ASAP1: variants seen among roughly 807,000 people sequenced by gnomAD.
The protein encoded by ASAP1 is ArfGAP with SH3 domain, ankyrin repeat and PH domain 1.
ASAP1 carries 43 observed loss-of-function variants against 145.2 expected under a neutral mutation model. The ratio of observed to expected loss-of-function variants is 0.30; its 90% CI spans 0.23 to 0.38. ASAP1 has a LOEUF of 0.38. Ranked by LOEUF, ASAP1 falls within the 10% of genes least tolerant of loss-of-function variation. The probability of loss-of-function intolerance (pLI) is 1.00; values close to 1 mark genes in which losing one functional copy is unlikely to be tolerated. For missense variants in ASAP1, 1,018 were observed against 1,355.3 expected (o/e 0.75, Z 3.91); for synonymous variants, 546 against 515.5 (o/e 1.06, Z -0.80).
intron 23 of ASAP1, 148 bp downstream of exon 23, chr8:130,115,480 C>T (rs1248559414): frequency 1.5e-5 from 10 of 658,146 alleles, no homozygotes; most frequent in Non-Finnish European, 2.4e-5. Context: ...TTAAATGGTG[C>T]CCAATAAGGA....
intron 3 of ASAP1, among the ~76,000 whole-genome samples, chr8:130,304,863 T>C (rs1034005857): frequency 2.0e-5 from 3 of 152,112 alleles, no homozygotes; most frequent in African/African-American, 7.2e-5. Context: ...AACAAACAAA[T>C]GGAAAACCCA....
At chr8:130,060,201 A>C (rs2097415765) in intron 28 of ASAP1, among the ~76,000 whole-genome samples, 1 of 152,046 alleles carries the variant, frequency 6.6e-6, no homozygotes, top group South Asian at 2.1e-4. Context: ...GTTCCTAGGT[A>C]ATAGTGACTA....
At chr8:130,335,063 T>C (rs1173711999) in intron 3 of ASAP1, among the ~76,000 whole-genome samples, 1 of 152,232 alleles carries the variant, frequency 6.6e-6, no homozygotes, top group Non-Finnish European at 1.5e-5. Context: ...TAACGATCAC[T>C]GATTTATTCT....
intron 3 of ASAP1, among the ~76,000 whole-genome samples, chr8:130,303,418 A>G (rs1822797089): frequency 6.6e-6 from 1 of 152,132 alleles, no homozygotes; most frequent in Non-Finnish European, 1.5e-5. Flanking sequence ...CAGGGTGTTT[A>G]GTAGCATCTT....
At chr8:130,113,883 G>A (rs2097550533) in intron 23 of ASAP1, among the ~76,000 whole-genome samples, 1 of 151,980 alleles carries the variant, frequency 6.6e-6, no homozygotes, top group Non-Finnish European at 1.5e-5. Context: ...CTGGGCTCAG[G>A]TGATTCTCCC....
chr8:130,074,440 AACAC>A (rs57005471), intron 27 of ASAP1, among the ~76,000 whole-genome samples: 7,886 of 119,190 alleles, frequency 0.066, 355 homozygotes, highest in African/African-American at 0.13. Flanking sequence ...CCAAATAGTA[AACAC>A]ACACACACAC....
chr8:130,169,111 AAAG>A (rs747993619), intron 9 of ASAP1, 44 bp from the exon 10 acceptor site: 32 of 1,226,814 alleles, frequency 2.6e-5, no homozygotes, highest in Middle Eastern at 1.9e-4. Flanking sequence ...TATAAAAAAA[AAAG>A]AGTATTTGTT....
intron 3 of ASAP1, among the ~76,000 whole-genome samples, chr8:130,299,014 C>T (rs1429765369): frequency 6.6e-6 from 1 of 152,180 alleles, no homozygotes; most frequent in East Asian, 1.9e-4. Context: ...AATAAACAAA[C>T]ATCCTTATTA....
intron 2 of ASAP1, among the ~76,000 whole-genome samples, chr8:130,368,499 A>G (rs996256682): frequency 2.6e-5 from 4 of 152,222 alleles, no homozygotes; most frequent in Admixed American, 2.6e-4. Flanking sequence ...ACTGTCAGTC[A>G]TGTCTCTACT....
intron 9 of ASAP1, among the ~76,000 whole-genome samples, chr8:130,170,407 G>A (rs529908720): frequency 1.3e-5 from 2 of 152,008 alleles, no homozygotes; most frequent in African/African-American, 4.8e-5. Flanking sequence ...TGCCCACCTC[G>A]GCCTCCCAAA....
intron 1 of ASAP1, among the ~76,000 whole-genome samples, chr8:130,415,333 T>C (rs1829430302): frequency 6.6e-6 from 1 of 151,198 alleles, no homozygotes; most frequent in African/African-American, 2.5e-5. Context: ...TGGGGTGTGG[T>C]GGTATACACC....
At chr8:130,383,566 A>G (rs540284704) in intron 2 of ASAP1, among the ~76,000 whole-genome samples, 1 of 152,338 alleles carries the variant, frequency 6.6e-6, no homozygotes, top group South Asian at 2.1e-4. Context: ...TCTTCACTGC[A>G]GTGGCGTGTG....
At chr8:130,354,251 T>C (rs1013928935) in intron 3 of ASAP1, among the ~76,000 whole-genome samples, 2 of 152,114 alleles carry the variant, frequency 1.3e-5, no homozygotes, top group Non-Finnish European at 2.9e-5. Context: ...GAGAAATCAT[T>C]TCATCTCTCT....
intron 1 of ASAP1, among the ~76,000 whole-genome samples, chr8:130,412,395 C>CCTTG (rs2138648509): frequency 6.6e-6 from 1 of 152,032 alleles, no homozygotes; most frequent in Admixed American, 6.6e-5. Flanking sequence ...CTGTGTTGCG[C>CCTTG]CTTGCTCTCT....
chr8:130,341,346 G>T (rs756640746), intron 3 of ASAP1, among the ~76,000 whole-genome samples: 2 of 152,124 alleles, frequency 1.3e-5, no homozygotes, highest in Non-Finnish European at 2.9e-5. Context: ...CGCTTGAGTT[G>T]ACTTAACCAA....
At chr8:130,062,815 T>C (rs936562159) in intron 27 of ASAP1, among the ~76,000 whole-genome samples, 6 of 152,046 alleles carry the variant, frequency 3.9e-5, no homozygotes, top group African/African-American at 1.4e-4. Context: ...GTATGGACAA[T>C]AAATAAAAAT....
At chr8:130,058,992 T>C (rs1326444051) in intron 28 of ASAP1, among the ~76,000 whole-genome samples, 1 of 152,110 alleles carries the variant, frequency 6.6e-6, no homozygotes, top group Non-Finnish European at 1.5e-5. Context: ...AACTATATAG[T>C]GTGTAGCATG....
chr8:130,275,243 T>A lies in ASAP1; in HGVS notation c.187-38249A>T, dbSNP rs370809770. Among the ~76,000 whole-genome samples, 5 of 152,218 alleles carry A rather than the reference T, an allele frequency of 3.3e-5. No homozygotes were observed. The East Asian group carries it at 9.6e-4, about 29-fold the overall frequency. ...ACTGGGAGAAGTCTTCAGATGAAGT[T>A]ATATTCCTGGCCCTAACAGAAAGAA... On this transcript the variant is annotated intron_variant, in intron 3 of 29. Coordinates refer to ENST00000518721, the MANE Select transcript of ASAP1 (RefSeq NM_018482.4).
intron 1 of ASAP1, among the ~76,000 whole-genome samples, chr8:130,413,441 T>C (rs1829348678): frequency 6.6e-6 from 1 of 152,228 alleles, no homozygotes; most frequent in African/African-American, 2.4e-5. Flanking sequence ...ACGTGTCTCC[T>C]ATCAATAAAA....
Sources: gnomAD v4.1 joint callset for allele counts (sites outside exome capture counted in the v4.1 genomes callset) on GRCh38, gnomAD v4.1.1 for gene constraint, MANE v1.5 for transcripts, NCBI Gene and HGNC (gene_info 2026-07-23, HGNC 2026-07-21) for gene names.